The following LARGE1 variants were observed in gnomAD, a reference collection of about 807,000 sequenced individuals.
LARGE1 encodes xylosyl- and glucuronyltransferase LARGE1.
A neutral mutation model predicts 87.6 loss-of-function variants in LARGE1; 43 were observed. That is an observed-to-expected ratio of 0.49 (90% CI 0.38 to 0.63). The LOEUF (loss-of-function observed/expected upper bound fraction) is 0.63. LARGE1 is among the 30% of genes least tolerant of loss of function. The pLI is 0.00. For synonymous variants in LARGE1, 434 were observed against 394.6 expected (o/e 1.10, Z -1.18); for missense variants, 802 against 1,000.2 (o/e 0.80, Z 2.67).
intron 6 of LARGE1, among the ~76,000 whole-genome samples, chr22:33,467,047 AAG>A (rs765412395): frequency 1.6e-4 from 25 of 152,274 alleles, no homozygotes; most frequent in Non-Finnish European, 3.4e-4. Flanking sequence ...TCTGAAAAAA[AAG>A]AGTCTGTTCT....
intron 11 of LARGE1, among the ~76,000 whole-genome samples, chr22:33,262,476 A>G (rs73397571): frequency 0.022 from 3,381 of 152,240 alleles, 134 homozygotes; most frequent in African/African-American, 0.078. Flanking sequence ...CAGTGGCCCC[A>G]GACCATTGCT....
intron 5 of LARGE1, among the ~76,000 whole-genome samples, chr22:33,582,012 A>AAG (rs2078535266): frequency 6.6e-6 from 1 of 152,182 alleles, no homozygotes; most frequent in Non-Finnish European, 1.5e-5. Flanking sequence ...CTTCACAGTC[A>AAG]GCACCTGCCT....
chr22:33,771,047 C>A (rs1159517159), intron 1 of LARGE1, among the ~76,000 whole-genome samples: 1 of 152,140 alleles, frequency 6.6e-6, no homozygotes, highest in African/African-American at 2.4e-5. Context: ...CACAGTCCCC[C>A]ACACAATCTC....
At chr22:33,793,129 A>G (rs1027407169) in intron 1 of LARGE1, among the ~76,000 whole-genome samples, 6 of 152,360 alleles carry the variant, frequency 3.9e-5, no homozygotes, top group Admixed American at 1.3e-4. Context: ...ATCGCACAGG[A>G]TAAGTGTTCA....
In LARGE1 at chr22:33,382,060, CAA is replaced by C; in HGVS notation, c.1006-18_1006-17del. 11 of 1,613,972 alleles carry C rather than the reference CAA, an allele frequency of 6.8e-6. No homozygotes were observed. The highest frequency in any genetic ancestry group is 9.3e-6 in the Non-Finnish European group (11 of 1,179,958). ...TGAAAATATCCTGGGGGATGAAAGC[CAA>C]AGACACAGTCAAGACAGTCGGATGG... On this transcript the variant is annotated splice_polypyrimidine_tract_variant and intron_variant, in intron 8 of 14. Coordinates refer to ENST00000397394, the MANE Select transcript of LARGE1 (RefSeq NM_133642.5).
At chr22:33,290,576 C>G (rs1409052358) in intron 12 of LARGE1, among the ~76,000 whole-genome samples, 1 of 152,122 alleles carries the variant, frequency 6.6e-6, no homozygotes, top group Non-Finnish European at 1.5e-5. Flanking sequence ...AAACGTGTGC[C>G]ATGGAGGAGT....
exon 12 of LARGE1, chr22:33,162,280 C>T (rs1922056184): frequency 6.6e-6 from 1 of 152,138 alleles, no homozygotes; most frequent in Non-Finnish European, 1.5e-5. Context: ...GCAGGCAAGG[C>T]CTCAGGAAAT....
intron 6 of LARGE1, among the ~76,000 whole-genome samples, chr22:33,445,032 G>A (rs1423219581): frequency 6.6e-6 from 1 of 152,176 alleles, no homozygotes; most frequent in Non-Finnish European, 1.5e-5. Flanking sequence ...GTTTCGCCAT[G>A]TCAGTCAGGC....
intron 6 of LARGE1, among the ~76,000 whole-genome samples, chr22:33,556,965 C>A (rs747177839): frequency 6.6e-6 from 1 of 152,144 alleles, no homozygotes; most frequent in Non-Finnish European, 1.5e-5. Flanking sequence ...GACATTGTGC[C>A]ACTGCACTCC....
At chr22:33,107,637 G>A in the LARGE1 span, among the ~76,000 whole-genome samples, 1 of 152,160 alleles carries the variant, frequency 6.6e-6, no homozygotes, top group African/African-American at 2.4e-5. Context: ...GACTGAAACT[G>A]GAAAATCACT....
chr22:33,548,783 T>A (rs923589975), intron 6 of LARGE1, among the ~76,000 whole-genome samples: 3 of 152,224 alleles, frequency 2.0e-5, no homozygotes, highest in Non-Finnish European at 2.9e-5. Flanking sequence ...TATTGTAGTA[T>A]ACAATGTCTC....
At chr22:33,084,577 C>T in the LARGE1 span, among the ~76,000 whole-genome samples, 1 of 151,760 alleles carries the variant, frequency 6.6e-6, no homozygotes, top group African/African-American at 2.4e-5. Flanking sequence ...TTGCTTGAAC[C>T]CCAAGAGGTT....
intron 5 of LARGE1, among the ~76,000 whole-genome samples, chr22:33,587,198 T>C (rs984124059): frequency 6.6e-6 from 1 of 152,232 alleles, no homozygotes; most frequent in Non-Finnish European, 1.5e-5. Context: ...TCATGAATGT[T>C]GGGATTTAGG....
chr22:33,068,602 G>A, the LARGE1 span, among the ~76,000 whole-genome samples: 8 of 152,072 alleles, frequency 5.3e-5, no homozygotes, highest in South Asian at 2.1e-4. Context: ...CCGAGATGGC[G>A]CCACTGCACT....
chr22:33,608,094 T>C (rs769995121), intron 4 of LARGE1, among the ~76,000 whole-genome samples: 2 of 152,190 alleles, frequency 1.3e-5, no homozygotes, highest in African/African-American at 4.8e-5. Flanking sequence ...ACGGTCCATT[T>C]GGCCCTCAGT....
chr22:33,624,889 G>C (rs908901724), intron 4 of LARGE1, among the ~76,000 whole-genome samples: 4 of 152,154 alleles, frequency 2.6e-5, no homozygotes, highest in African/African-American at 9.7e-5. Flanking sequence ...GAGAGAACGG[G>C]GAGAAAGTGA....
At chr22:33,345,848 C>T (rs1000401069) in intron 9 of LARGE1, among the ~76,000 whole-genome samples, 4 of 152,216 alleles carry the variant, frequency 2.6e-5, no homozygotes, top group African/African-American at 7.2e-5. Context: ...ACTTCTGATG[C>T]ACTTAGACCC....
chr22:33,178,901 A>G (rs1923017166), intron 11 of LARGE1, among the ~76,000 whole-genome samples: 1 of 152,194 alleles, frequency 6.6e-6, no homozygotes, highest in South Asian at 2.1e-4. Context: ...TGGGTAATTT[A>G]TAAAGAAAAG....
At chr22:33,343,066 T>C (rs1165841931) in intron 9 of LARGE1, among the ~76,000 whole-genome samples, 1 of 152,234 alleles carries the variant, frequency 6.6e-6, no homozygotes, top group Non-Finnish European at 1.5e-5. Flanking sequence ...CCAACCTAAA[T>C]AGCTACCATG....
Sources: allele counts gnomAD v4.1 joint callset (sites outside exome capture counted in the v4.1 genomes callset), GRCh38; gene constraint gnomAD v4.1.1; transcripts MANE v1.5; gene names NCBI Gene and HGNC (gene_info 2026-07-23, HGNC 2026-07-21).